The following GC variants were observed in gnomAD, a reference collection of about 807,000 sequenced individuals.
GC encodes vitamin D-binding protein.
GC carries 43 observed loss-of-function variants against 56.7 expected under a neutral mutation model. The ratio of observed to expected loss-of-function variants is 0.76; its 90% CI spans 0.59 to 0.98. The LOEUF is 0.98. Among genes scored for constraint, GC ranks in the 50% least tolerant of loss-of-function variants. The pLI is 0.00. For synonymous variants in GC, 216 were observed against 202.7 expected, an observed-to-expected ratio of 1.07 and a Z score of -0.56; for missense variants, 529 against 545.9, an observed-to-expected ratio of 0.97 and a Z score of 0.31.
chr4:71,779,249 C>T (rs551082400), intron 1 of GC, among the ~76,000 whole-genome samples: 3 of 151,822 alleles, frequency 2.0e-5, no homozygotes, highest in African/African-American at 4.8e-5. Context: ...ATATTTGTTA[C>T]AATAAGCAAA....
chr4:71,754,478 A>C lies in GC; in HGVS notation c.1195T>G (p.Phe399Val), dbSNP rs776324783. The change falls in exon 10 of 13, where the codon TTC becomes GTC. Residue 399 changes from phenylalanine to valine, a missense_variant. Physicochemically the swap from Phe to Val is conservative, Grantham distance 50. Coordinates refer to ENST00000273951, the MANE Select transcript of GC (RefSeq NM_000583.4). ...CATAGTTCTTGTCCCTTGTCAATGA[A>C]AGAAGATAGTTCCTTCTTTAGTAGA... ...GPLLKKELSS[F>V]IDKGQELCAD... 2 of 1,583,172 alleles carry C rather than the reference A, an allele frequency of 1.3e-6. No individual in the cohort carries two copies. Among genetic ancestry groups the C allele is most frequent in the Middle Eastern group, 1.7e-4 (1 of 6,018 alleles).
intron 1 of GC, among the ~76,000 whole-genome samples, chr4:71,779,277 G>T (rs1488658502): frequency 6.6e-6 from 1 of 151,852 alleles, no homozygotes; most frequent in Non-Finnish European, 1.5e-5. Context: ...CCAGTGATAA[G>T]GTAAGGTACT....
chr4:71,802,374 G>A (rs1212291409), intron 1 of GC, among the ~76,000 whole-genome samples: 2 of 152,106 alleles, frequency 1.3e-5, no homozygotes, highest in African/African-American at 4.8e-5. Flanking sequence ...TCTGCACAGA[G>A]ATATGTCCGA....
At chr4:71,785,587 G>T (rs1178840622), upstream of GC, among the ~76,000 whole-genome samples, 1 of 151,734 alleles carries the variant, frequency 6.6e-6, no homozygotes, top group Non-Finnish European at 1.5e-5. Flanking sequence ...CCAGATCAAA[G>T]CACAAGTATT....
intron 1 of GC, among the ~76,000 whole-genome samples, chr4:71,775,367 A>G (rs1742474418): frequency 6.6e-6 from 1 of 151,940 alleles, no homozygotes; most frequent in African/African-American, 2.4e-5. Flanking sequence ...GTATCATTCA[A>G]CAAGGGCTGG....
upstream of GC, among the ~76,000 whole-genome samples, chr4:71,786,335 T>C (rs1742834071): frequency 1.3e-5 from 2 of 151,816 alleles, no homozygotes; most frequent in Admixed American, 6.6e-5. Flanking sequence ...ATAATCATAA[T>C]TGGCCTAAAT....
At position 71,754,494 on chromosome 4, in the gene GC, C is replaced by T. The variant is rs200525599; in HGVS notation, c.1179G>A (p.Lys393=). ...TGTCAATGAAAGAAGATAGTTCCTT[C>T]TTTAGTAGAGGGCCCTGTAAGAAAA... ...TCFNAKGPLL[K]KELSSFIDKG... is the part of the protein sequence containing the mutation. The change falls in exon 10 of 13, where the codon AAG becomes AAA. Residue 393 remains lysine (K), a synonymous_variant. Coordinates refer to ENST00000273951, the MANE Select transcript of GC (RefSeq NM_000583.4). 1.9e-6 allele frequency: 3 copies of T among 1,557,208 alleles called. No homozygotes were observed. In the East Asian group the frequency reaches 6.7e-5, roughly 35 times the overall value.
intron 6 of GC, among the ~76,000 whole-genome samples, chr4:71,761,425 A>G (rs1370273904): frequency 1.3e-5 from 2 of 152,220 alleles, no homozygotes; most frequent in Admixed American, 6.5e-5. Context: ...GCAGAGCATA[A>G]AAGTTCAGAA....
chr4:71,753,075 A>G (rs1278639407), intron 10 of GC, among the ~76,000 whole-genome samples: 3 of 152,054 alleles, frequency 2.0e-5, no homozygotes, highest in Admixed American at 2.0e-4. Flanking sequence ...CAATTTATCT[A>G]CTTCTCAACT....
At position 71,755,048 on chromosome 4, in the gene GC, A is replaced by T. The variant is rs369015898; in HGVS notation, c.1094T>A (p.Leu365His). The T allele has an allele frequency of 3.8e-6, 6 of 1,596,776 alleles. No individual in the cohort carries two copies. Among genetic ancestry groups the T allele is most frequent in the Non-Finnish European group, 5.1e-6 (6 of 1,168,306 alleles). Residue 365 changes from leucine to histidine, a missense_variant, in exon 9 of 13, where the codon CTT becomes CAT. Coordinates refer to ENST00000273951, the MANE Select transcript of GC (RefSeq NM_000583.4). ...HLPEVFLSKV[L>H]EPTLKSLGEC... ...ACCAAGGCTTTTTAGGGTTGGCTCA[A>T]GTACCTTACTGAGGAATACTTCCGG... is the stretch of plus-strand genomic sequence containing the variant.
rs1742236192 is a variant in GC, at chr4:71,768,424, G to A, written c.138C>T (p.Val46=). 6.2e-7 allele frequency: 1 copy of A among 1,608,312 alleles called. No individual in the cohort carries two copies. Among genetic ancestry groups the A allele is most frequent in the Admixed American group, 1.7e-5 (1 of 58,802 alleles). The change falls in exon 3 of 13, where the codon GTC becomes GTT. Residue 46 remains valine (V), a synonymous_variant. Transcript: ENST00000273951. ...GKEDFTSLSL[V]LYSRKFPSGT... ...CACTGGGAAATTTTCTACTGTACAG[G>A]ACTAGTGACCTGAGGGGAAAATAAG...
chr4:71,768,165 A>C (rs1051179498), intron 3 of GC, 136 bp downstream of exon 3: 4 of 635,550 alleles, frequency 6.3e-6, no homozygotes, highest in Non-Finnish European at 7.8e-6. Flanking sequence ...GGCTGTAAAC[A>C]CAACAGGCTT....
intron 9 of GC, 121 bp from the exon 10 acceptor site, chr4:71,754,629 G>A: frequency 5.9e-6 from 4 of 682,532 alleles, no homozygotes. Flanking sequence ...TTCTACAGAA[G>A]GCCGGATAAT....
rs769030498 is a variant in GC, at chr4:71,768,433, C to A, written c.129G>T (p.Leu43=). The part of the protein sequence containing the change: ...SHLGKEDFTS[L]SLVLYSRKFP... ...ATTTTCTACTGTACAGGACTAGTGA[C>A]CTGAGGGGAAAATAAGACAATATAT... Residue 43 remains leucine, a splice_region_variant and synonymous_variant, in exon 3 of 13, where the codon CTG becomes CTT. Coordinates refer to ENST00000273951, the MANE Select transcript of GC (RefSeq NM_000583.4). 2.5e-6 allele frequency: 4 copies of A among 1,600,294 alleles called. No homozygotes were observed. Among genetic ancestry groups the A allele is most frequent in the East Asian group, 2.2e-5 (1 of 44,586 alleles).
At chr4:71,789,559 G>A (rs1742922740) in intron 1 of GC, among the ~76,000 whole-genome samples, 1 of 151,844 alleles carries the variant, frequency 6.6e-6, no homozygotes. Flanking sequence ...CTATACTGAA[G>A]GAGAAATGAA....
At chr4:71,754,834 C>A in intron 9 of GC, 144 bp downstream of exon 9, 1 of 595,464 alleles carries the variant, frequency 1.7e-6, no homozygotes. Context: ...GCTTTTTTCC[C>A]AACAATGTAA....
At chr4:71,775,686 G>A (rs1025102794) in intron 1 of GC, among the ~76,000 whole-genome samples, 11 of 151,910 alleles carry the variant, frequency 7.2e-5, no homozygotes, top group Non-Finnish European at 1.5e-4. Flanking sequence ...CTACTGCACA[G>A]CAAAAGAAAA....
At chr4:71,795,398 T>G (rs1743072826) in intron 1 of GC, among the ~76,000 whole-genome samples, 1 of 152,228 alleles carries the variant, frequency 6.6e-6, no homozygotes, top group African/African-American at 2.4e-5. Context: ...AGTTAATACC[T>G]TTACCATTAT....
At chr4:71,750,103 T>C (rs1741497516) in intron 11 of GC, among the ~76,000 whole-genome samples, 1 of 152,194 alleles carries the variant, frequency 6.6e-6, no homozygotes, top group African/African-American at 2.4e-5. Context: ...AAATTTGGAA[T>C]GCATAGCCCA....
Sources: allele counts gnomAD v4.1 joint callset (sites outside exome capture counted in the v4.1 genomes callset), GRCh38; gene constraint gnomAD v4.1.1; transcripts MANE v1.5; gene names NCBI Gene and HGNC (gene_info 2026-07-23, HGNC 2026-07-21).